Variants in TPM4 observed in about 807,000 individuals in gnomAD.
TPM4 encodes tropomyosin alpha-4 chain.
Under a neutral mutation model 35.8 loss-of-function variants are expected in TPM4, and 17 were observed. The ratio of observed to expected loss-of-function variants is 0.47; its 90% CI spans 0.32 to 0.71. The LOEUF is 0.71. Ranked by LOEUF, TPM4 falls within the 30% of genes least tolerant of loss-of-function variation. The probability of loss-of-function intolerance (pLI) is 0.03; values close to 1 mark genes in which losing one functional copy is unlikely to be tolerated. For missense variants in TPM4, 240 were observed against 320.9 expected (o/e 0.75, Z 1.93); for synonymous variants, 120 against 122.9 (o/e 0.98, Z 0.15).
Position 16,102,666 on chromosome 19 carries a change from AT to A in TPM4, c.*1322del, listed in dbSNP as rs1206043226. The A allele has an allele frequency of 8.7e-6, 2 of 229,152 alleles. No individual in the cohort carries two copies. The highest frequency in any genetic ancestry group is 1.7e-5 in the Non-Finnish European group (2 of 115,544). 14.2% of individuals were successfully genotyped at this position (229,152 alleles called of 1,614,324 possible). Reference sequence around the variant, plus strand: ...TCCTGATTAAACTGGATAATGAAGGATTCTGTAGACAGGGCTGCACGTATCG... The same window carrying A: ...TCCTGATTAAACTGGATAATGAAGGATCTGTAGACAGGGCTGCACGTATCG... On this transcript the variant is annotated 3_prime_UTR_variant, in exon 8 of 8. Transcript: ENST00000643579.
intron 2 of TPM4, among the ~76,000 whole-genome samples, chr19:16,068,992 T>A (rs1199519698): frequency 2.0e-5 from 3 of 152,050 alleles, no homozygotes; most frequent in African/African-American, 7.2e-5. Flanking sequence ...AGCCTGTGTG[T>A]AGATGGTGGG....
At chr19:16,071,970 C>A (rs1184472429), upstream of TPM4, among the ~76,000 whole-genome samples, 1 of 152,200 alleles carries the variant, frequency 6.6e-6, no homozygotes, top group Non-Finnish European at 1.5e-5. Flanking sequence ...GACGGGCACG[C>A]GCCACCAGGC....
chr19:16,081,896 A>C lies in TPM4; in HGVS notation c.133-17A>C. 6.3e-7 allele frequency: 1 copy of C among 1,574,982 alleles called. No homozygotes were observed. The highest frequency in any genetic ancestry group is 8.7e-7 in the Non-Finnish European group (1 of 1,150,904). Reference sequence around the variant, plus strand: ...GCCTGATACTTCTTAACATGGCTGCACCTCCGACCTCCCCAGGCTGAAGGT... The same window carrying C: ...GCCTGATACTTCTTAACATGGCTGCCCCTCCGACCTCCCCAGGCTGAAGGT... On this transcript the variant is annotated splice_polypyrimidine_tract_variant and intron_variant, in intron 1 of 7. Transcript: ENST00000643579.
chr19:16,079,269 C>T (rs1347225989), intron 1 of TPM4, among the ~76,000 whole-genome samples: 1 of 152,130 alleles, frequency 6.6e-6, no homozygotes, highest in Admixed American at 6.6e-5. Context: ...ATCAATTCCT[C>T]GACTGCTAAT....
intron 7 of TPM4, among the ~76,000 whole-genome samples, chr19:16,096,749 G>A (rs1026470958): frequency 2.6e-5 from 4 of 152,088 alleles, no homozygotes; most frequent in Non-Finnish European, 5.9e-5. Flanking sequence ...GTCAGAAGAC[G>A]TGAATTTAGA....
chr19:16,075,655 G>T (rs8113101), upstream of TPM4: 54,407 of 169,570 alleles, frequency 0.32, 9,459 homozygotes, highest in East Asian at 0.49. Flanking sequence ...CTGGGGACAG[G>T]GATGGGCGGA....
chr19:16,076,887 TCCTGGG>T (rs2090414941), intron 1 of TPM4, 190 bp downstream of exon 1: 1 of 1,183,800 alleles, frequency 8.4e-7, no homozygotes, highest in Non-Finnish European at 1.1e-6. Context: ...CCGTCCTCCT[TCCTGGG>T]CCTGGGACAG....
At chr19:16,093,198 T>G in intron 5 of TPM4, 1 of 202,164 alleles carries the variant, frequency 4.9e-6, no homozygotes, top group Non-Finnish European at 1.0e-5. Flanking sequence ...TTGTTGTTGT[T>G]GTTGTTTGTT....
upstream of TPM4, among the ~76,000 whole-genome samples, chr19:16,072,687 T>TG (rs549838235): frequency 8.3e-4 from 126 of 152,114 alleles, no homozygotes; most frequent in African/African-American, 2.8e-3. Context: ...GAGGCTGAGG[T>TG]GGGGGATCAC....
At chr19:16,079,122 T>G (rs1364900223) in intron 1 of TPM4, among the ~76,000 whole-genome samples, 1 of 152,184 alleles carries the variant, frequency 6.6e-6, no homozygotes, top group Admixed American at 6.6e-5. Flanking sequence ...TGTACAGATA[T>G]GCGTGTATCT....
intron 2 of TPM4, among the ~76,000 whole-genome samples, chr19:16,083,729 A>T (rs2090514109): frequency 6.7e-6 from 1 of 150,090 alleles, no homozygotes; most frequent in South Asian, 2.1e-4. Flanking sequence ...ATGCTTTTGC[A>T]GTATAAACAC....
chr19:16,093,952 CTTTTTTT>C (rs35095689), intron 7 of TPM4, among the ~76,000 whole-genome samples, 199 bp downstream of exon 7: 1 of 108,792 alleles, frequency 9.2e-6, no homozygotes, highest in East Asian at 3.1e-4. Flanking sequence ...TTGAATGGCC[CTTTTTTT>C]TTTTTTTTTT....
rs2090774746 is a variant in TPM4, at chr19:16,102,725, T to C, written c.*1379T>C. The C allele has an allele frequency of 8.7e-6, 2 of 230,086 alleles. No individual in the cohort carries two copies. The highest frequency in any genetic ancestry group is 1.7e-5 in the Non-Finnish European group (2 of 116,152). 14.3% of individuals were successfully genotyped at this position (230,086 alleles called of 1,614,324 possible). On this transcript the variant is annotated 3_prime_UTR_variant, in exon 8 of 8. Transcript: ENST00000643579. ...TTGACTTCTCTTTTCTCAGTTAACA[T>C]CTCAGAGCTAGAACATTCCACATTC...
chr19:16,085,893 A>G (rs1415530503), intron 2 of TPM4, among the ~76,000 whole-genome samples: 1 of 151,326 alleles, frequency 6.6e-6, no homozygotes, highest in Non-Finnish European at 1.5e-5. Context: ...ACATGGCGAA[A>G]CCCCCTCTCT....
intron 7 of TPM4, chr19:16,095,619 A>G: frequency 9.9e-7 from 1 of 1,006,478 alleles, no homozygotes. Context: ...CTCACTCACA[A>G]ATGAAAAGCT....
At chr19:16,068,018 C>G (rs1377740882) in intron 2 of TPM4, 2 of 460,714 alleles carry the variant, frequency 4.3e-6, no homozygotes, top group South Asian at 5.5e-5. Flanking sequence ...CGTTCGTGAG[C>G]GAGGTGTCGT....
intron 5 of TPM4, among the ~76,000 whole-genome samples, chr19:16,089,668 CTT>C (rs35056151): frequency 0.01 from 1,333 of 129,480 alleles, 6 homozygotes; most frequent in Middle Eastern, 0.016. Context: ...CCACCCCCCA[CTT>C]TTTTTTTTTT....
intron 1 of TPM4, chr19:16,080,797 A>T (rs113004106): frequency 0.011 from 3,846 of 356,088 alleles, 148 homozygotes; most frequent in African/African-American, 0.074. Flanking sequence ...TGACGGCGCA[A>T]GACTCCATCT....
intron 7 of TPM4, among the ~76,000 whole-genome samples, chr19:16,099,301 C>G (rs1312139647): frequency 2.0e-5 from 3 of 149,124 alleles, no homozygotes; most frequent in Admixed American, 2.0e-4. Context: ...AGGCTGGTCT[C>G]GAACTCCTTA....
Sources: gnomAD v4.1 joint callset for allele counts (sites outside exome capture counted in the v4.1 genomes callset) on GRCh38, gnomAD v4.1.1 for gene constraint, MANE v1.5 for transcripts, NCBI Gene and HGNC (gene_info 2026-07-23, HGNC 2026-07-21) for gene names.